SRP19: variants seen among roughly 807,000 people sequenced by gnomAD.
SRP19 encodes signal recognition particle 19 kDa protein.
A neutral mutation model predicts 22.4 loss-of-function variants in SRP19; 11 were observed. The observed-to-expected ratio is 0.49, with a 90% confidence interval of 0.31 to 0.81. The LOEUF (loss-of-function observed/expected upper bound fraction) is 0.81, where lower values mean the gene tolerates loss of function less well. Ranked by LOEUF, SRP19 falls within the 40% of genes least tolerant of loss-of-function variation. The pLI is 0.05. For synonymous variants in SRP19, 61 were observed against 57.6 expected, an observed-to-expected ratio of 1.06 and a Z score of -0.27; for missense variants, 168 against 175.9, an observed-to-expected ratio of 0.96 and a Z score of 0.25.
At chr5:112,879,550 T>C (rs1213680872) in intron 4 of SRP19, among the ~76,000 whole-genome samples, 1 of 152,184 alleles carries the variant, frequency 6.6e-6, no homozygotes, top group African/African-American at 2.4e-5. Flanking sequence ...CTCGGCTCAC[T>C]ACAGGCTCTG....
chr5:112,887,471 G>A lies in SRP19; in HGVS notation c.302-4132G>A, dbSNP rs563119285. On this transcript the variant is annotated intron_variant, in intron 4 of 4. Transcript: ENST00000391338. ...TTGGACCACGTTTTAGTATATAGCT[G>A]TAAGAGGCTTTTATTAATCATAACT... is the stretch of plus-strand genomic sequence containing the variant. Among the ~76,000 whole-genome samples the A allele has an allele frequency of 5.3e-5, 8 of 152,274 alleles. No homozygotes were observed. The South Asian group carries it at 1.7e-3, about 32-fold the overall frequency.
chr5:112,886,607 G>A (rs1452078852), intron 4 of SRP19, among the ~76,000 whole-genome samples: 2 of 152,168 alleles, frequency 1.3e-5, no homozygotes, highest in African/African-American at 4.8e-5. Context: ...GTAAATGCTT[G>A]ATGGAATTTT....
At chr5:112,871,243 A>ATTTTTTTT (rs10592964), downstream of SRP19, among the ~76,000 whole-genome samples, 32 of 93,946 alleles carry the variant, frequency 3.4e-4, 1 homozygote, top group African/African-American at 1.3e-3. Context: ...CAATCAGTGA[A>ATTTTTTTT]TTTTTTTTTT....
chr5:112,891,977 A>G, exon 5 of SRP19: 1 of 1,240,682 alleles, frequency 8.1e-7, no homozygotes, highest in Non-Finnish European at 1.2e-6. Context: ...AGAAAGTTAA[A>G]GGAACAATGG....
At chr5:112,893,514 A>C, downstream of SRP19, 3 of 155,742 alleles carry the variant, frequency 1.9e-5, no homozygotes, top group South Asian at 1.9e-4. Flanking sequence ...TATGATTTTA[A>C]GCCAGGCCTC....
At chr5:112,880,059 A>G (rs1442072220) in intron 4 of SRP19, among the ~76,000 whole-genome samples, 1 of 152,174 alleles carries the variant, frequency 6.6e-6, no homozygotes, top group East Asian at 1.9e-4. Flanking sequence ...ATTCTCTCCT[A>G]TGATGAGAAG....
intron 4 of SRP19, among the ~76,000 whole-genome samples, chr5:112,887,649 A>G (rs948614149): frequency 2.2e-4 from 34 of 152,176 alleles, no homozygotes; most frequent in African/African-American, 8.0e-4. Context: ...TACCTTGTCC[A>G]TTCCTGAATT....
intron 2 of SRP19, among the ~76,000 whole-genome samples, 159 bp downstream of exon 2, chr5:112,862,742 T>G (rs1767455188): frequency 6.6e-6 from 1 of 152,198 alleles, no homozygotes; most frequent in South Asian, 2.1e-4. Flanking sequence ...TCAGTGTTGG[T>G]GAAACCAGAA....
At chr5:112,895,599 G>A (rs1458956826), downstream of SRP19, 1 of 152,142 alleles carries the variant, frequency 6.6e-6, no homozygotes, top group African/African-American at 2.4e-5. Flanking sequence ...ATTGTCTTGA[G>A]ACAGTAAAAT....
chr5:112,878,704 TA>T, intron 4 of SRP19: 2 of 1,547,000 alleles, frequency 1.3e-6, no homozygotes, highest in South Asian at 2.4e-5. Context: ...ATTATTAAAA[TA>T]ATTATACCAC....
At position 112,867,583 on chromosome 5, in the gene SRP19, A is replaced by T; in HGVS notation, c.*46A>T. 6.6e-7 allele frequency: 1 copy of T among 1,520,534 alleles called. No individual in the cohort carries two copies. The highest frequency in any genetic ancestry group is 8.8e-7 in the Non-Finnish European group (1 of 1,133,108). The allele number at this position is 1,520,534 out of a possible 1,614,324, so 94.2% of individuals were successfully genotyped here. ...TGTGGTACTACTGTAAGAGACATGA[A>T]TGGAGACTTCTAATTTGTATCGGAG... On this transcript the variant is annotated 3_prime_UTR_variant, in exon 5 of 5. Coordinates refer to ENST00000505459, the MANE Select transcript of SRP19 (RefSeq NM_003135.3).
chr5:112,863,626 C>T (rs1484443538), intron 2 of SRP19, among the ~76,000 whole-genome samples: 2 of 152,110 alleles, frequency 1.3e-5, no homozygotes, highest in African/African-American at 2.4e-5. Context: ...TCTATAGTAT[C>T]GCATGGTGTG....
chr5:112,896,390 G>C (rs1463510241), downstream of SRP19: 3 of 151,992 alleles, frequency 2.0e-5, no homozygotes, highest in African/African-American at 7.3e-5. Flanking sequence ...TAGCGTGGTG[G>C]TGGGCACCTG....
chr5:112,895,057 T>G (rs574825107), downstream of SRP19: 1 of 151,610 alleles, frequency 6.6e-6, no homozygotes, highest in Admixed American at 6.6e-5. Context: ...GCCAACATGG[T>G]GAAACCCTGT....
intron 4 of SRP19, among the ~76,000 whole-genome samples, chr5:112,865,766 G>T (rs960349906): frequency 2.6e-5 from 4 of 152,108 alleles, no homozygotes; most frequent in Non-Finnish European, 5.9e-5. Flanking sequence ...GCTAACTTTT[G>T]TATTTTTGAT....
intron 2 of SRP19, among the ~76,000 whole-genome samples, chr5:112,863,719 C>A (rs991481850): frequency 1.3e-5 from 2 of 152,226 alleles, no homozygotes; most frequent in Admixed American, 1.3e-4. Flanking sequence ...GGCTGGAGTG[C>A]GGCAGTGTAG....
At chr5:112,892,072 C>T in exon 5 of SRP19, 1 of 1,593,534 alleles carries the variant, frequency 6.3e-7, no homozygotes, top group Non-Finnish European at 8.6e-7. Flanking sequence ...GCAGAAGATG[C>T]TGGATCAGGC....
chr5:112,873,280 T>TTC (rs1375421281), downstream of SRP19, among the ~76,000 whole-genome samples: 1 of 146,208 alleles, frequency 6.8e-6, no homozygotes, highest in Non-Finnish European at 1.5e-5. Context: ...TCTTTTTTTT[T>TTC]TTTTTTTTTT....
intron 3 of SRP19, 31 bp downstream of exon 3, chr5:112,864,559 C>T (rs1209337313): frequency 1.9e-6 from 3 of 1,611,524 alleles, no homozygotes; most frequent in Non-Finnish European, 8.5e-7. Context: ...ATTTTCCATA[C>T]TCATCTAATT....
Sources: allele counts gnomAD v4.1 joint callset (sites outside exome capture counted in the v4.1 genomes callset), GRCh38; gene constraint gnomAD v4.1.1; transcripts MANE v1.5; gene names NCBI Gene and HGNC (gene_info 2026-07-23, HGNC 2026-07-21).